AMT: variants seen among roughly 807,000 people sequenced by gnomAD.
AMT encodes the protein aminomethyltransferase.
In AMT, 24 loss-of-function variants were observed where a neutral mutation model predicts 39.5. That is an observed-to-expected ratio of 0.61 (90% CI 0.44 to 0.86). The LOEUF (loss-of-function observed/expected upper bound fraction) is 0.86. Among genes scored for constraint, AMT ranks in the 40% least tolerant of loss-of-function variants. The probability of loss-of-function intolerance (pLI) is 0.00; values close to 1 mark genes in which losing one functional copy is unlikely to be tolerated. For missense variants in AMT, 501 were observed against 537.0 expected (o/e 0.93, Z 0.66); for synonymous variants, 210 against 212.1 (o/e 0.99, Z 0.09).
intron 5 of AMT, 89 bp downstream of exon 5, chr3:49,419,621 C>T (rs1400893675): frequency 4.4e-5 from 65 of 1,476,438 alleles, no homozygotes; most frequent in Non-Finnish European, 6.1e-5. Context: ...ACACCTTCCA[C>T]ACATTCTTCT....
In AMT at chr3:49,417,965, G is replaced by A. The variant is rs1056820947; in HGVS notation, c.886C>T (p.Arg296Cys). 2.5e-6 allele frequency: 4 copies of A among 1,610,808 alleles called. No individual in the cohort carries two copies. Among genetic ancestry groups the A allele is most frequent in the Non-Finnish European group, 3.4e-6 (4 of 1,178,902 alleles). Residue 296 changes from arginine to cysteine, a missense_variant, in exon 8 of 9, where the codon CGC (arginine) becomes TGC (cysteine). By Grantham distance (180) the Arg-to-Cys change is radical. Transcript: ENST00000273588. ...GSLSWTLGKR[R>C]RAAMDFPGAK... ...CCAGGGAAGTCCATAGCAGCTCGGC[G>A]GCGCTTCCCTGGAGAATGACACATG...
chr3:49,419,624 A>G (rs2049064671), intron 5 of AMT, 86 bp downstream of exon 5: 18 of 1,489,854 alleles, frequency 1.2e-5, no homozygotes, highest in Non-Finnish European at 1.7e-5. Flanking sequence ...CCTTCCACAC[A>G]TTCTTCTTGG....
chr3:49,420,382 A>T (rs372341578), intron 3 of AMT, 40 bp from the exon 4 acceptor site: 5 of 1,613,576 alleles, frequency 3.1e-6, no homozygotes, highest in Non-Finnish European at 4.2e-6. Flanking sequence ...CAGGTCCAGG[A>T]GGGCAAGGCC....
rs1242640759 is a variant in AMT at position 49,417,930 on chromosome 3, G to T, written c.921C>A (p.Val307=). 1 of 1,613,948 alleles carries T rather than the reference G, an allele frequency of 6.2e-7. No individual in the cohort carries two copies. Among genetic ancestry groups the T allele is most frequent in the Non-Finnish European group, 8.5e-7 (1 of 1,179,972 alleles). ...CCCTGCCCTTCAGCTGGGGAACAAT[G>T]ACCTTGGCTCCAGGGAAGTCCATAG... ...RAAMDFPGAK[V]IVPQLKGRVQ... Residue 307 remains valine (V), a synonymous_variant, in exon 8 of 9, where the codon GTC becomes GTA. Transcript: ENST00000273588.
At chr3:49,422,066 A>C in intron 2 of AMT, 38 bp downstream of exon 2, 1 of 1,612,712 alleles carries the variant, frequency 6.2e-7, no homozygotes, top group Non-Finnish European at 8.5e-7. Context: ...ACAGGGAGGA[A>C]GGCCTGATCA....
chr3:49,417,910 C>T lies in AMT; in HGVS notation c.941G>A (p.Gly314Asp), dbSNP rs142183532. The change falls in exon 8 of 9, where the codon GGC (glycine) becomes GAC (aspartate). Residue 314 changes from glycine (G) to aspartate (D), a missense_variant. Gly to Asp is a moderately conservative substitution (Grantham distance 94). Coordinates refer to ENST00000273588, the MANE Select transcript of AMT (RefSeq NM_000481.4). ...CCCCACACGCCTCCGCTGCACCCTG[C>T]CCTTCAGCTGGGGAACAATGACCTT... ...GAKVIVPQLK[G>D]RVQRRRVGLM... The T allele has an allele frequency of 6.2e-7, 1 of 1,613,932 alleles. No individual in the cohort carries two copies. The highest frequency in any genetic ancestry group is 1.3e-5 in the African/African-American group (1 of 74,912).
At position 49,416,835 on chromosome 3, in the gene AMT, C is replaced by G. The variant is rs750282936; in HGVS notation, c.*705G>C. ...CAGGATTCAGTGGAGTCCATTAATGCATACCAGGGGCAAAGATCAGCCCAG... is the reference window on the plus strand; with the variant it reads ...CAGGATTCAGTGGAGTCCATTAATGGATACCAGGGGCAAAGATCAGCCCAG... On this transcript the variant is annotated 3_prime_UTR_variant, in exon 9 of 9. Coordinates refer to ENST00000273588, the MANE Select transcript of AMT (RefSeq NM_000481.4). 13 of 454,992 alleles carry G rather than the reference C, an allele frequency of 2.9e-5. No homozygotes were observed. Among genetic ancestry groups the G allele is most frequent in the South Asian group, 2.0e-4 (13 of 64,492 alleles). 28.2% of individuals were successfully genotyped at this position (454,992 alleles called of 1,614,324 possible).
chr3:49,419,701 C>T lies in AMT; in HGVS notation c.550+9G>A. The T allele has an allele frequency of 6.2e-7, 1 of 1,614,132 alleles. No individual in the cohort carries two copies. Among genetic ancestry groups the T allele is most frequent in the East Asian group, 2.2e-5 (1 of 44,892 alleles). On this transcript the variant is annotated intron_variant, in intron 5 of 8. Coordinates refer to ENST00000273588, the MANE Select transcript of AMT (RefSeq NM_000481.4). ...AAGGTTGGCTCCAACCCCAGCCCAG[C>T]CCTCTCACCTTGCAGAGCTAGCAGG...
chr3:49,420,536 C>G, intron 3 of AMT, 194 bp from the exon 4 acceptor site: 1 of 730,412 alleles, frequency 1.4e-6, no homozygotes, highest in South Asian at 1.7e-5. Context: ...AGTTTTCATC[C>G]CCTCCCTACC....
In AMT at chr3:49,416,921, G is replaced by C; in HGVS notation, c.*619C>G. 1 of 461,098 alleles carries C rather than the reference G, an allele frequency of 2.2e-6. No individual in the cohort carries two copies. Among genetic ancestry groups the C allele is most frequent in the South Asian group, 1.5e-5 (1 of 64,540 alleles). The allele number at this position is 461,098 out of a possible 1,614,324, so 28.6% of individuals were successfully genotyped here. A position where few individuals can be genotyped will look rare whatever the true frequency, so the allele number is the denominator to read the frequency against. ...TACAGCAGCCCTGGAACTCAGAATA[G>C]GTGGTGAGTCTGCCATGGTTTGCTA... On this transcript the variant is annotated 3_prime_UTR_variant, in exon 9 of 9. Coordinates refer to ENST00000273588, the MANE Select transcript of AMT (RefSeq NM_000481.4).
Position 49,417,399 on chromosome 3 carries a change from G to A in AMT, c.*141C>T. 6.2e-7 allele frequency: 1 copy of A among 1,607,784 alleles called. No homozygotes were observed. The highest frequency in any genetic ancestry group is 1.1e-5 in the South Asian group (1 of 91,076). Reference sequence around the variant, plus strand: ...TGGCATGAGTTAGGTGGGGGGAATAGGTGGTGTGGCCCCTCAACCAGACAA... The same window carrying A: ...TGGCATGAGTTAGGTGGGGGGAATAAGTGGTGTGGCCCCTCAACCAGACAA... On this transcript the variant is annotated 3_prime_UTR_variant, in exon 9 of 9. Transcript: ENST00000273588.
At chr3:49,417,739 A>C in intron 8 of AMT, 21 bp from the exon 9 acceptor site, 1 of 1,613,972 alleles carries the variant, frequency 6.2e-7, no homozygotes, top group African/African-American at 1.3e-5. Flanking sequence ...AGCATAAGCC[A>C]CGCATCAGCA....
In AMT at chr3:49,417,339, G is replaced by A. The variant is rs372106456; in HGVS notation, c.*201C>T. The stretch of plus-strand genomic sequence containing the variant: ...AACAAGACATTGTGTGAGCTGGTCC[G>A]TCACTCAGAAGCAGGGTCCTGAAGG... On this transcript the variant is annotated 3_prime_UTR_variant, in exon 9 of 9. Coordinates refer to ENST00000273588, the MANE Select transcript of AMT (RefSeq NM_000481.4). 1.1e-5 allele frequency: 18 copies of A among 1,595,332 alleles called. No homozygotes were observed. Among genetic ancestry groups the A allele is most frequent in the African/African-American group, 2.7e-5 (2 of 74,750 alleles).
chr3:49,418,119 C>T (rs866158024), intron 7 of AMT, 146 bp from the exon 8 acceptor site: 81 of 1,017,254 alleles, frequency 8.0e-5, no homozygotes, highest in Non-Finnish European at 9.7e-5. Flanking sequence ...CCTTCACTGC[C>T]GTCAGCCAAC....
In AMT at chr3:49,417,134, T is replaced by A; in HGVS notation, c.*406A>T. 1.2e-6 allele frequency: 1 copy of A among 859,808 alleles called. No homozygotes were observed. The highest frequency in any genetic ancestry group is 2.7e-5 in the East Asian group (1 of 37,690). 53.3% of individuals were successfully genotyped at this position (859,808 alleles called of 1,614,324 possible). On this transcript the variant is annotated 3_prime_UTR_variant, in exon 9 of 9. Coordinates refer to ENST00000273588, the MANE Select transcript of AMT (RefSeq NM_000481.4). The stretch of plus-strand genomic sequence containing the variant: ...GGGTAGCCTAAGTCCGCACTGCCCA[T>A]GTTATTACCCTTTGCAATGTGAAAA...
In AMT at chr3:49,417,553, T is replaced by G. The variant is rs201548428; in HGVS notation, c.1199A>C (p.Tyr400Ser). Reference sequence around the variant, plus strand: ...CCTGAGCCAGCTTCACTTGAGGGTATAGTAGTTTGTGGGCACAAAGGGCAT... The same window carrying G: ...CCTGAGCCAGCTTCACTTGAGGGTAGAGTAGTTTGTGGGCACAAAGGGCAT... ...SKMPFVPTNY[Y>S]TLK The change falls in exon 9 of 9, where the codon TAT (tyrosine) becomes TCT (serine). Residue 400 changes from tyrosine (Y) to serine (S), a missense_variant. Coordinates refer to ENST00000273588, the MANE Select transcript of AMT (RefSeq NM_000481.4). 4 of 1,614,040 alleles carry G rather than the reference T, an allele frequency of 2.5e-6. No individual in the cohort carries two copies. Among genetic ancestry groups the G allele is most frequent in the African/African-American group, 2.7e-5 (2 of 74,924 alleles).
Position 49,420,375 on chromosome 3 carries a change from G to A in AMT, c.340-33C>T, listed in dbSNP as rs770021942. ...CAAAGTGGAGCGTTTTGGCTTCCAG[G>A]TCCAGGAGGGCAAGGCCAAGGGTGA... On this transcript the variant is annotated intron_variant, in intron 3 of 8. Transcript: ENST00000273588. The A allele has an allele frequency of 2.5e-6, 4 of 1,613,800 alleles. No homozygotes were observed. The South Asian group carries it at 4.4e-5, about 18-fold the overall frequency.
Position 49,419,799 on chromosome 3 carries a change from G to GCATCTTGTGTCCTA in AMT, c.472-12_472-11insTAGGACACAAGATG, listed in dbSNP as rs2049068360. The GCATCTTGTGTCCTA allele has an allele frequency of 6.2e-7, 1 of 1,613,818 alleles. No homozygotes were observed. The highest frequency in any genetic ancestry group is 8.5e-7 in the Non-Finnish European group (1 of 1,179,846). ...CTCCCTGACCTTGTCCTAAAAGACA[G>GCATCTTGTGTCCTA]AAACACAAGAGCATCTGGGGCCACT... On this transcript the variant is annotated splice_polypyrimidine_tract_variant and intron_variant, in intron 4 of 8. Transcript: ENST00000273588.
chr3:49,418,140 C>T (rs2049031622), intron 7 of AMT, 167 bp from the exon 8 acceptor site: 2 of 819,986 alleles, frequency 2.4e-6, no homozygotes, highest in Admixed American at 2.2e-5. Context: ...CAACCACCTC[C>T]TATCCCCTGG....
Sources: allele counts gnomAD v4.1 joint callset, GRCh38; gene constraint gnomAD v4.1.1; transcripts MANE v1.5; gene names NCBI Gene and HGNC (gene_info 2026-07-23, HGNC 2026-07-21).